LSS: variants seen among roughly 807,000 people sequenced by gnomAD.
The protein encoded by LSS is 2,3-epoxysqualene-lanosterol cyclase.
In LSS, 90 loss-of-function variants were observed where a neutral mutation model predicts 110.3. That is an observed-to-expected ratio of 0.82 (90% CI 0.69 to 0.97). The LOEUF (loss-of-function observed/expected upper bound fraction) is 0.97, where lower values mean the gene tolerates loss of function less well. Ranked by LOEUF, LSS falls within the 50% of genes least tolerant of loss-of-function variation. LSS has a pLI of 0.00. For missense variants in LSS, 927 were observed against 990.0 expected, an observed-to-expected ratio of 0.94 and a Z score of 0.85; for synonymous variants, 433 against 400.0, an observed-to-expected ratio of 1.08 and a Z score of -0.98.
chr21:46,195,642 A>AC (rs771858749), intron 19 of LSS, 34 bp downstream of exon 19: 2 of 1,556,842 alleles, frequency 1.3e-6, no homozygotes, highest in Non-Finnish European at 1.8e-6. Flanking sequence ...TGGGTTGAGA[A>AC]CCCCCACCCA....
Position 46,216,599 on chromosome 21 carries a change from G to T in LSS, c.648-75C>A. On this transcript the variant is annotated intron_variant, in intron 6 of 21. Coordinates refer to ENST00000397728, the MANE Select transcript of LSS (RefSeq NM_002340.6). This position sits in a 1 kb window ranked among gnomAD's most constrained non-coding sequence, Gnocchi z 4.2. ...CCCTCCGCCAGCATCCATACCTTGG[G>T]CCCTTTCAAGCACGAACACTGGTGG... The T allele has an allele frequency of 6.9e-7, 1 of 1,452,070 alleles. No homozygotes were observed. The highest frequency in any genetic ancestry group is 9.1e-7 in the Non-Finnish European group (1 of 1,096,840). The allele number at this position is 1,452,070 out of a possible 1,614,324, so 89.9% of individuals were successfully genotyped here. A position where few individuals can be genotyped will look rare whatever the true frequency, so the allele number is the denominator to read the frequency against.
intron 2 of LSS, 97 bp downstream of exon 2, chr21:46,228,337 C>A: frequency 7.1e-7 from 1 of 1,400,124 alleles, no homozygotes; most frequent in Non-Finnish European, 9.6e-7. Context: ...GCGTCGCTGG[C>A]CGGGTCCTCC....
chr21:46,206,763 C>T lies in LSS; in HGVS notation c.1473G>A (p.Leu491=). ...ACCCTCCATCTGGATTTCTCATGTTCAGCAGCTGAAATCACAGAGAGCACC... is the reference window on the plus strand; with the variant it reads ...ACCCTCCATCTGGATTTCTCATGTTTAGCAGCTGAAATCACAGAGAGCACC... ...ERLCDAVAVL[L]NMRNPDGGFA... Residue 491 remains leucine, a synonymous_variant, in exon 16 of 22, where the codon CTG becomes CTA. Coordinates refer to ENST00000397728, the MANE Select transcript of LSS (RefSeq NM_002340.6). 1 of 1,610,950 alleles carries T rather than the reference C, an allele frequency of 6.2e-7. No homozygotes were observed.
chr21:46,213,037 G>A lies in LSS; in HGVS notation c.1125C>T (p.Gly375=), dbSNP rs757753839. 31 of 1,613,910 alleles carry A rather than the reference G, an allele frequency of 1.9e-5. No homozygotes were observed. The South Asian group carries it at 3.0e-4, about 15-fold the overall frequency. The change falls in exon 11 of 22, where the codon GGC becomes GGT. Residue 375 remains glycine (G), a synonymous_variant. Coordinates refer to ENST00000397728, the MANE Select transcript of LSS (RefSeq NM_002340.6). ...IPDYLWMGLD[G]MKMQGTNGSQ... ...CCGCAGCCCTTACCTGCATTTTCAT[G>A]CCGTCAAGGCCCATCCTGTGAGGAG...
At chr21:46,215,611 G>T in intron 8 of LSS, 74 bp downstream of exon 8, 1 of 1,034,558 alleles carries the variant, frequency 9.7e-7, no homozygotes, top group Non-Finnish European at 1.4e-6. Flanking sequence ...GGCAGGGGAT[G>T]AGTGCGTGAA....
At chr21:46,207,354 A>G in intron 15 of LSS, 74 bp downstream of exon 15, 12 of 1,548,166 alleles carry the variant, frequency 7.8e-6, no homozygotes, top group South Asian at 5.9e-5. Context: ...TGGAGCCCAC[A>G]GGAGTGGAAG....
chr21:46,203,353 C>T (rs568811749), intron 17 of LSS, among the ~76,000 whole-genome samples: 26 of 152,282 alleles, frequency 1.7e-4, no homozygotes, highest in Non-Finnish European at 3.4e-4. Context: ...TGGAGGAGCG[C>T]GCTCAATGGT....
rs2277825 is a variant in LSS, at chr21:46,216,359, C to T, written c.783+30G>A. The T allele has an allele frequency of 8.4e-5, 136 of 1,613,114 alleles. 1 individual carries two copies. In the East Asian group the frequency reaches 2.3e-3, roughly 28 times the overall value. On this transcript the variant is annotated intron_variant, in intron 7 of 21. Coordinates refer to ENST00000397728, the MANE Select transcript of LSS (RefSeq NM_002340.6). This position sits in a 1 kb window ranked among gnomAD's most constrained non-coding sequence, Gnocchi z 4.2. ...GCCCTGTGGGTCCCAGCCCCAGAGG[C>T]CTTCACTTTGTTCCCTGATGAGGTC...
Position 46,194,542 on chromosome 21 carries a change from T to C in LSS, c.1937A>G (p.Gln646Arg), listed in dbSNP as rs1298901100. 1 of 1,613,932 alleles carries C rather than the reference T, an allele frequency of 6.2e-7. No homozygotes were observed. The highest frequency in any genetic ancestry group is 8.5e-7 in the Non-Finnish European group (1 of 1,180,026). The change falls in exon 20 of 22, where the codon CAG becomes CGG. Residue 646 changes from glutamine (Q) to arginine (R), a missense_variant. Gln to Arg is a conservative substitution (Grantham distance 43). Coordinates refer to ENST00000397728, the MANE Select transcript of LSS (RefSeq NM_002340.6). ...CEERRYLQSA[Q>R]SQIHNTCWAM... ...CCAGCATGTGTTATGGATCTGGGAC[T>C]GGGCACTCTGCAAATAACGCCGCTC...
Position 46,216,250 on chromosome 21 carries a change from G to A in LSS, c.783+139C>T, listed in dbSNP as rs1470224060. 8 of 1,024,790 alleles carry A rather than the reference G, an allele frequency of 7.8e-6. No homozygotes were observed. The highest frequency in any genetic ancestry group is 1.2e-5 in the Non-Finnish European group (8 of 679,788). 63.5% of individuals were successfully genotyped at this position (1,024,790 alleles called of 1,614,324 possible). On this transcript the variant is annotated intron_variant, in intron 7 of 21. Transcript: ENST00000397728. The surrounding 1 kb of genome is among the most constrained non-coding windows in gnomAD (Gnocchi z 4.2). The stretch of plus-strand genomic sequence containing the variant: ...ACTGTTTATTATAGGATGGAGGAAG[G>A]TGGAGGCTCTGCTCCACAGGGCTCT...
At chr21:46,217,834 C>T (rs1048784301) in intron 6 of LSS, among the ~76,000 whole-genome samples, 2 of 152,138 alleles carry the variant, frequency 1.3e-5, no homozygotes, top group Non-Finnish European at 1.5e-5. Context: ...ACGGGCGAGG[C>T]GCAGAGTCCA....
chr21:46,222,013 T>C, intron 4 of LSS, 38 bp from the exon 5 acceptor site: 1 of 1,602,820 alleles, frequency 6.2e-7, no homozygotes, highest in East Asian at 2.2e-5. Context: ...CCGGTATCTG[T>C]CCTTACTTCT....
rs766421371 is a variant in LSS at position 46,227,513 on chromosome 21, G to A, written c.319+39C>T. 30 of 1,611,662 alleles carry A rather than the reference G, an allele frequency of 1.9e-5. 1 individual carries two copies. The South Asian group carries it at 2.8e-4, about 15-fold the overall frequency. ...GGGCCAGGATCCCAAGGGTGATCCA[G>A]GGTGGCCATACCATCAGGCTGGGGC... is the stretch of plus-strand genomic sequence containing the variant. On this transcript the variant is annotated intron_variant, in intron 3 of 21. Coordinates refer to ENST00000397728, the MANE Select transcript of LSS (RefSeq NM_002340.6).
chr21:46,195,043 CA>C (rs2123697041), intron 19 of LSS, among the ~76,000 whole-genome samples: 1 of 152,320 alleles, frequency 6.6e-6, no homozygotes, highest in Non-Finnish European at 1.5e-5. Context: ...CAGCTGGAGA[CA>C]GGGCTGGGAG....
chr21:46,221,006 C>T (rs1436472018), intron 5 of LSS, among the ~76,000 whole-genome samples: 3 of 141,894 alleles, frequency 2.1e-5, no homozygotes, highest in South Asian at 2.3e-4. Context: ...GTAGCCAGGC[C>T]GGGGCTTGGA....
intron 15 of LSS, 24 bp downstream of exon 15, chr21:46,207,404 G>A (rs2080065619): frequency 6.2e-7 from 1 of 1,609,316 alleles, no homozygotes; most frequent in Non-Finnish European, 8.5e-7. Flanking sequence ...GGTATGGACG[G>A]GGCTGCTGGG....
At position 46,215,758 on chromosome 21, in the gene LSS, C is replaced by T; in HGVS notation, c.819G>A (p.Trp273Ter). The change falls in exon 8 of 22, where the codon TGG (tryptophan) becomes TGA (stop). Residue 273 changes from tryptophan to a stop codon, truncating the protein, a stop_gained. Coordinates refer to ENST00000397728, the MANE Select transcript of LSS (RefSeq NM_002340.6). LOFTEE classifies it high-confidence loss of function. ...GGGCCACGTTGTTCCTCTGCGCCAGCCAGTCAATGCTGGCGAAGTCCTCCA... is the reference window on the plus strand; with the variant it reads ...GGGCCACGTTGTTCCTCTGCGCCAGTCAGTCAATGCTGGCGAAGTCCTCCA... Reference protein sequence around the residue: ...LYVEDFASIDWLAQRNNVAPD... With the variant: ...LYVEDFASID 1 of 1,612,804 alleles carries T rather than the reference C, an allele frequency of 6.2e-7. No homozygotes were observed. The highest frequency in any genetic ancestry group is 1.1e-5 in the South Asian group (1 of 90,890).
At chr21:46,196,071 G>A (rs776229242) in intron 18 of LSS, 131 bp downstream of exon 18, 10 of 907,848 alleles carry the variant, frequency 1.1e-5, no homozygotes, top group Non-Finnish European at 1.5e-5. Flanking sequence ...GAAGTCACGG[G>A]CTGGCAGCTC....
At chr21:46,228,262 G>A (rs1228222337) in intron 2 of LSS, among the ~76,000 whole-genome samples, 172 bp downstream of exon 2, 2 of 152,286 alleles carry the variant, frequency 1.3e-5, no homozygotes, top group Non-Finnish European at 2.9e-5. Flanking sequence ...GTGGTTTAGA[G>A]ATGAAGGGGC....
Sources: gnomAD v4.1 joint callset for allele counts (sites outside exome capture counted in the v4.1 genomes callset) on GRCh38, gnomAD v4.1.1 for gene constraint, Gnocchi (gnomAD v3.1) non-coding constraint, MANE v1.5 for transcripts, NCBI Gene and HGNC (gene_info 2026-07-23, HGNC 2026-07-21) for gene names.